The following ITGA8 variants were observed in gnomAD, a reference collection of about 807,000 sequenced individuals.
The protein encoded by ITGA8 is integrin alpha-8.
A neutral mutation model predicts 142.3 loss-of-function variants in ITGA8; 91 were observed. That is an observed-to-expected ratio of 0.64 (90% confidence interval 0.54 to 0.76). The LOEUF is 0.76. ITGA8 is among the 30% of genes least tolerant of loss of function. The pLI is 0.00. For synonymous variants in ITGA8, 505 were observed against 485.2 expected (o/e 1.04, Z -0.54); for missense variants, 1,406 against 1,327.7 (o/e 1.06, Z -0.92).
intron 23 of ITGA8, among the ~76,000 whole-genome samples, chr10:15,584,560 G>C (rs932919711): frequency 2.0e-5 from 3 of 152,138 alleles, no homozygotes; most frequent in Non-Finnish European, 4.4e-5. Context: ...TTTGGCATAA[G>C]TATTTTGAAA....
rs1416031131 is a variant in ITGA8, at chr10:15,548,439, T to G, written c.2880+16A>C. The stretch of plus-strand genomic sequence containing the variant: ...CCAGTGAGCAGTGTGTATGTGCTTC[T>G]GTGGTTGTTTATTACCTGGAGGAAG... On this transcript the variant is annotated intron_variant, in intron 27 of 29. Transcript: ENST00000378076. 1.3e-6 allele frequency: 2 copies of G among 1,568,072 alleles called. No homozygotes were observed.
At chr10:15,652,077 C>A (rs1461252143) in intron 11 of ITGA8, among the ~76,000 whole-genome samples, 1 of 152,164 alleles carries the variant, frequency 6.6e-6, no homozygotes, top group African/African-American at 2.4e-5. Context: ...TTAAGAACTT[C>A]AAGAAAGAAG....
chr10:15,676,852 T>C (rs1175172632), intron 6 of ITGA8, among the ~76,000 whole-genome samples: 2 of 151,964 alleles, frequency 1.3e-5, no homozygotes, highest in East Asian at 1.9e-4. Context: ...CTACTAAAAA[T>C]ACAAAAATTA....
chr10:15,635,918 TACAC>T (rs4030579), intron 13 of ITGA8, among the ~76,000 whole-genome samples: 3,111 of 143,050 alleles, frequency 0.022, 51 homozygotes, highest in Middle Eastern at 0.077. Flanking sequence ...TTGCTTATAC[TACAC>T]ACACACACAC....
chr10:15,719,461 C>T, intron 1 of ITGA8, 102 bp downstream of exon 1: 2 of 1,082,684 alleles, frequency 1.8e-6, no homozygotes, highest in African/African-American at 1.7e-5. Context: ...GGCGGCAGGA[C>T]GGGGATCCCA....
At chr10:15,620,061 A>G (rs1345592318) in intron 13 of ITGA8, among the ~76,000 whole-genome samples, 2 of 152,272 alleles carry the variant, frequency 1.3e-5, no homozygotes, top group Non-Finnish European at 2.9e-5. Context: ...ATCCCCAAAT[A>G]TTCATGGAAT....
In ITGA8 at chr10:15,677,652, C is replaced by G. The variant is rs1171313532; in HGVS notation, c.631-15G>C. 1 of 1,607,390 alleles carries G rather than the reference C, an allele frequency of 6.2e-7. No homozygotes were observed. The highest frequency in any genetic ancestry group is 1.3e-5 in the African/African-American group (1 of 74,598). On this transcript the variant is annotated splice_polypyrimidine_tract_variant and intron_variant, in intron 5 of 29. Transcript: ENST00000378076. ...AGGTCTCCATTCTACAAAACAGAAA[C>G]AGCAACAGCAACCATAATTGGAAAA... is the stretch of plus-strand genomic sequence containing the variant.
intron 28 of ITGA8, among the ~76,000 whole-genome samples, chr10:15,526,427 C>T (rs929549316): frequency 2.6e-5 from 4 of 152,108 alleles, no homozygotes; most frequent in East Asian, 1.9e-4. Context: ...CCACCCACCT[C>T]GGCCTCCCAA....
intron 13 of ITGA8, among the ~76,000 whole-genome samples, chr10:15,617,928 G>A (rs983204698): frequency 1.3e-5 from 2 of 152,194 alleles, no homozygotes; most frequent in Non-Finnish European, 2.9e-5. Context: ...GTCTTTTGCA[G>A]CAACATGGAT....
At chr10:15,660,463 A>G (rs1194410716) in intron 9 of ITGA8, among the ~76,000 whole-genome samples, 2 of 152,260 alleles carry the variant, frequency 1.3e-5, no homozygotes, top group Non-Finnish European at 2.9e-5. Context: ...AGGAAGTTTT[A>G]AAAGACTTAA....
At chr10:15,554,718 C>CCTTTCTTTCTTTCTTTCTTTCTTT (rs140932453) in intron 26 of ITGA8, among the ~76,000 whole-genome samples, 1 of 149,062 alleles carries the variant, frequency 6.7e-6, no homozygotes, top group African/African-American at 2.5e-5. Context: ...CTTTGCAAAT[C>CCTTTCTTTCTTTCTTTCTTTCTTT]CTTTCTTTCT....
chr10:15,568,480 A>G (rs1328973452), intron 25 of ITGA8, among the ~76,000 whole-genome samples: 1 of 152,256 alleles, frequency 6.6e-6, no homozygotes, highest in Non-Finnish European at 1.5e-5. Flanking sequence ...TAACCAAACT[A>G]TAACCAGTTT....
In ITGA8 at chr10:15,607,688, C is replaced by T. The variant is rs779527063; in HGVS notation, c.1753G>A (p.Val585Ile). 6.2e-6 allele frequency: 10 copies of T among 1,613,688 alleles called. No homozygotes were observed. The highest frequency in any genetic ancestry group is 1.1e-5 in the South Asian group (1 of 91,052). ...QKSHQCQDFI[V>I]YLRDETEFRD... ...TCTGGAATACTTACTCGAAGGTAAA[C>T]GATGAAATCCTGGCACTGGTGGGAT... is the stretch of plus-strand genomic sequence containing the variant. Residue 585 changes from valine to isoleucine, a missense_variant, in exon 17 of 30, where the codon GTT (valine) becomes ATT (isoleucine). Transcript: ENST00000378076.
chr10:15,694,333 C>CATATATCAGATAATATATA, intron 2 of ITGA8, among the ~76,000 whole-genome samples: 1 of 124,394 alleles, frequency 8.0e-6, no homozygotes, highest in Non-Finnish European at 1.6e-5. Context: ...GATAATATAT[C>CATATATCAGATAATATATA]ATATATCAGA....
intron 20 of ITGA8, among the ~76,000 whole-genome samples, chr10:15,599,281 T>G (rs1833061322): frequency 6.6e-6 from 1 of 152,096 alleles, no homozygotes; most frequent in African/African-American, 2.4e-5. Context: ...ATTTCTAGAT[T>G]ATTTTCCTCT....
chr10:15,611,826 C>T (rs1219101747), intron 15 of ITGA8, among the ~76,000 whole-genome samples: 1 of 151,246 alleles, frequency 6.6e-6, no homozygotes, highest in Non-Finnish European at 1.5e-5. Context: ...AAAAACCACA[C>T]ACTTCAGTCT....
intron 27 of ITGA8, among the ~76,000 whole-genome samples, chr10:15,532,532 C>T (rs7093271): frequency 0.13 from 19,550 of 148,172 alleles, 1,382 homozygotes; most frequent in Middle Eastern, 0.2. Context: ...GTGTTTTTAA[C>T]AGAGCTTCTC....
intron 27 of ITGA8, among the ~76,000 whole-genome samples, chr10:15,537,975 A>AC (rs1271331062): frequency 6.6e-4 from 100 of 151,468 alleles, no homozygotes; most frequent in Middle Eastern, 3.5e-3. Context: ...ACAAAACAAA[A>AC]AAAAAACACA....
chr10:15,688,069 T>C, intron 2 of ITGA8, 31 bp from the exon 3 acceptor site: 1 of 1,422,206 alleles, frequency 7.0e-7, no homozygotes, highest in Non-Finnish European at 9.9e-7. Context: ...AGTTAATAAT[T>C]TGTAAAATGT....
Sources: allele counts gnomAD v4.1 joint callset (sites outside exome capture counted in the v4.1 genomes callset), GRCh38; gene constraint gnomAD v4.1.1; transcripts MANE v1.5; gene names NCBI Gene and HGNC (gene_info 2026-07-23, HGNC 2026-07-21).